The following C4orf50 variants were observed in gnomAD, a reference collection of about 807,000 sequenced individuals.
The protein encoded by C4orf50 is chromosome 4 open reading frame 50.
C4orf50 carries 80 observed loss-of-function variants against 77.2 expected under a neutral mutation model. That is an observed-to-expected ratio of 1.04 (90% CI 0.87 to 1.25). C4orf50 has a LOEUF of 1.25. Ranked by LOEUF, C4orf50 falls within the 50% of genes most tolerant of loss-of-function variation. C4orf50 has a pLI of 0.00. For synonymous variants in C4orf50, 532 were observed against 465.3 expected, an observed-to-expected ratio of 1.14 and a Z score of -1.84; for missense variants, 1,257 against 1,152.9, an observed-to-expected ratio of 1.09 and a Z score of -1.31.
chr4:5,919,072 T>C lies in C4orf50; in HGVS notation c.*2475-20884A>G, dbSNP rs1315220281. ...CAAGAGAACTTGCTGCTATGGCTCC[T>C]GGTTGGGACAGACGTGGCTCCCTCT... On this transcript the variant is annotated intron_variant, in intron 7 of 7. Coordinates refer to the C4orf50 transcript ENST00000324058. The surrounding 1 kb of genome is among the most constrained non-coding windows in gnomAD (Gnocchi z 6.5). Among the ~76,000 whole-genome samples the C allele has an allele frequency of 2.0e-5, 3 of 152,166 alleles. No homozygotes were observed. The highest frequency in any genetic ancestry group is 4.4e-5 in the Non-Finnish European group (3 of 68,020).
chr4:5,932,320 A>G lies in C4orf50; in HGVS notation c.*2474+24581T>C, dbSNP rs1717804095. ...AGTAGCGAGGCTGGGCTCCGTAAAG[A>G]ATCCAGCCATCAAAGAGGGAGGCAG... On this transcript the variant is annotated intron_variant, in intron 7 of 7. Coordinates refer to the C4orf50 transcript ENST00000324058. The surrounding 1 kb of genome is among the most constrained non-coding windows in gnomAD (Gnocchi z 4.2). Among the ~76,000 whole-genome samples, 1 of 152,200 alleles carries G rather than the reference A, an allele frequency of 6.6e-6. No homozygotes were observed. Among genetic ancestry groups the G allele is most frequent in the Admixed American group, 6.5e-5 (1 of 15,284 alleles).
chr4:6,006,545 C>G (rs766507932), intron 25 of C4orf50, among the ~76,000 whole-genome samples: 1 of 152,192 alleles, frequency 6.6e-6, no homozygotes, highest in East Asian at 1.9e-4. Flanking sequence ...AAGGAAGATG[C>G]GAATATCACC....
chr4:5,978,516 T>C (rs1720404137), intron 29 of C4orf50, among the ~76,000 whole-genome samples: 1 of 152,190 alleles, frequency 6.6e-6, no homozygotes, highest in African/African-American at 2.4e-5. Flanking sequence ...TAAAGTCTAA[T>C]TCATGTGTAA....
At chr4:5,988,474 G>C (rs772189314) in exon 28 of C4orf50, 8 of 1,562,160 alleles carry the variant, frequency 5.1e-6, no homozygotes, top group African/African-American at 2.7e-5. Flanking sequence ...CAGGGCATTG[G>C]CTACACCAGT....
At chr4:5,989,201 C>G in exon 28 of C4orf50, 1 of 1,535,960 alleles carries the variant, frequency 6.5e-7, no homozygotes, top group South Asian at 1.2e-5. Context: ...TCTTGGTCTC[C>G]GTGAAGTTTG....
chr4:5,990,439 A>C, exon 28 of C4orf50: 1 of 403,626 alleles, frequency 2.5e-6, no homozygotes, highest in Non-Finnish European at 4.3e-6. Flanking sequence ...TTTTTTCAGA[A>C]ATGGGTGATT....
At chr4:5,951,663 A>C (rs1490791605) in intron 7 of C4orf50, among the ~76,000 whole-genome samples, 3 of 152,254 alleles carry the variant, frequency 2.0e-5, no homozygotes, top group Non-Finnish European at 4.4e-5. Flanking sequence ...AATAAATAAC[A>C]GTCCTTCCAA....
chr4:5,951,785 C>T (rs1033210893), intron 7 of C4orf50, among the ~76,000 whole-genome samples: 1 of 152,102 alleles, frequency 6.6e-6, no homozygotes, highest in African/African-American at 2.4e-5. Context: ...GCTCTCCGTC[C>T]GACCTACCTT....
intron 7 of C4orf50, among the ~76,000 whole-genome samples, chr4:5,906,928 GAGAACTTTACA>G (rs1419427357): frequency 2.6e-5 from 4 of 152,276 alleles, no homozygotes; most frequent in Admixed American, 2.6e-4. Flanking sequence ...GAATCACTTG[GAGAACTTTACA>G]AGAATTCTGA....
intron 28 of C4orf50, among the ~76,000 whole-genome samples, chr4:5,985,527 G>T (rs532994439): frequency 2.7e-5 from 4 of 150,590 alleles, no homozygotes; most frequent in Non-Finnish European, 4.4e-5. Flanking sequence ...AATGCCAAGG[G>T]TAACCACTAA....
chr4:5,960,788 G>A (rs186156258), intron 33 of C4orf50, among the ~76,000 whole-genome samples: 124 of 152,292 alleles, frequency 8.1e-4, no homozygotes, highest in Admixed American at 4.1e-3. Context: ...GTTCTGTTAT[G>A]TGTTTAAAAC....
At chr4:5,990,092 C>T (rs934827152) in exon 28 of C4orf50, 46 of 1,309,602 alleles carry the variant, frequency 3.5e-5, no homozygotes, top group South Asian at 5.9e-5. Flanking sequence ...AGACCCCAGA[C>T]GTATCCTTCC....
chr4:5,943,306 T>C (rs1348864869), intron 7 of C4orf50, among the ~76,000 whole-genome samples: 2 of 152,238 alleles, frequency 1.3e-5, no homozygotes, highest in Non-Finnish European at 2.9e-5. Context: ...TTCTGTTTCT[T>C]TGCATTCACT....
chr4:5,908,264 G>A lies in C4orf50; in HGVS notation c.*2475-10076C>T, dbSNP rs1716642427. Among the ~76,000 whole-genome samples the A allele has an allele frequency of 6.6e-6, 1 of 152,150 alleles. No individual in the cohort carries two copies. The highest frequency in any genetic ancestry group is 6.5e-5 in the Admixed American group (1 of 15,274). The stretch of plus-strand genomic sequence containing the variant: ...ACAGAAGGAAATGCTGGGTTACAAA[G>A]TAACAGTGTACTAAAGAGAGTCAGA... On this transcript the variant is annotated intron_variant, in intron 7 of 7. Coordinates refer to the C4orf50 transcript ENST00000324058. This position sits in a 1 kb window ranked among gnomAD's most constrained non-coding sequence, Gnocchi z 5.6.
intron 7 of C4orf50, among the ~76,000 whole-genome samples, chr4:5,911,910 G>A (rs993351301): frequency 2.6e-5 from 4 of 152,198 alleles, no homozygotes; most frequent in Non-Finnish European, 5.9e-5. Flanking sequence ...GCTGGGGATG[G>A]TGGTGCATGC....
intron 25 of C4orf50, among the ~76,000 whole-genome samples, chr4:6,004,095 G>A (rs1577991686): frequency 5.4e-5 from 6 of 111,884 alleles, no homozygotes; most frequent in East Asian, 2.8e-4. Context: ...AGTGATGATG[G>A]TGATGATGGT....
At chr4:5,959,725 C>A in intron 33 of C4orf50, 99 bp from the exon 12 acceptor site, 2 of 1,426,054 alleles carry the variant, frequency 1.4e-6, no homozygotes, top group South Asian at 1.4e-5. Context: ...ACAGTGATAG[C>A]TAACGGTTTC....
intron 23 of C4orf50, among the ~76,000 whole-genome samples, chr4:6,016,208 A>G (rs1424590064): frequency 6.6e-6 from 1 of 152,190 alleles, no homozygotes; most frequent in East Asian, 1.9e-4. Flanking sequence ...GACCTGAAAT[A>G]TGCTGTAGGA....
intron 25 of C4orf50, among the ~76,000 whole-genome samples, chr4:6,004,374 G>A: frequency 7.9e-6 from 1 of 125,936 alleles, no homozygotes; most frequent in Non-Finnish European, 1.7e-5. Context: ...TGATGGTGAT[G>A]GTGATGATGG....
Sources: gnomAD v4.1 joint callset for allele counts (sites outside exome capture counted in the v4.1 genomes callset) on GRCh38, gnomAD v4.1.1 for gene constraint, Gnocchi (gnomAD v3.1) non-coding constraint, MANE v1.5 for transcripts, NCBI Gene and HGNC (gene_info 2026-07-23, HGNC 2026-07-21) for gene names.